SYNJ1: variants seen among roughly 807,000 people sequenced by gnomAD.
SYNJ1 encodes polyphosphatidylinositol phosphatase SYNJ1.
A neutral mutation model predicts 168.2 loss-of-function variants in SYNJ1; 78 were observed. The observed-to-expected ratio is 0.46, with a 90% CI of 0.39 to 0.56. SYNJ1 has a LOEUF of 0.56. Among genes scored for constraint, SYNJ1 ranks in the 20% least tolerant of loss-of-function variants. The pLI is 0.00. For synonymous variants in SYNJ1, 539 were observed against 548.6 expected, an observed-to-expected ratio of 0.98 and a Z score of 0.24; for missense variants, 1,303 against 1,597.6, an observed-to-expected ratio of 0.82 and a Z score of 3.14.
rs1379246366 is a variant in SYNJ1, at chr21:32,634,467, C to T, written c.*3+394G>A. On this transcript the variant is annotated intron_variant, in intron 32 of 32. Coordinates refer to ENST00000674351, the MANE Select transcript of SYNJ1 (RefSeq NM_203446.3). ...CTAAAACCATTTGAAAAAATATTTC[C>T]CCCAAATATTTTTTCCTAAAAAACA... 3.9e-5 allele frequency among the ~76,000 whole-genome samples: 6 copies of T among 152,068 alleles called. No homozygotes were observed. In the East Asian group the frequency reaches 1.2e-3, roughly 29 times the overall value.
At chr21:32,648,098 G>A (rs1269864478) in intron 23 of SYNJ1, among the ~76,000 whole-genome samples, 1 of 151,948 alleles carries the variant, frequency 6.6e-6, no homozygotes, top group African/African-American at 2.4e-5. Flanking sequence ...GGAACAAATG[G>A]GCCCCACCCA....
intron 18 of SYNJ1, among the ~76,000 whole-genome samples, chr21:32,662,508 CCA>C (rs1007447962): frequency 2.0e-5 from 3 of 152,062 alleles, no homozygotes; most frequent in African/African-American, 7.3e-5. Context: ...CCTCCCAGGT[CCA>C]CAGTTTTTGA....
chr21:32,650,352 G>C lies in SYNJ1; in HGVS notation c.2875-6C>G. 6.3e-7 allele frequency: 1 copy of C among 1,589,854 alleles called. No homozygotes were observed. Among genetic ancestry groups the C allele is most frequent in the Non-Finnish European group, 8.5e-7 (1 of 1,172,480 alleles). On this transcript the variant is annotated splice_polypyrimidine_tract_variant and splice_region_variant and intron_variant, in intron 22 of 32. Coordinates refer to ENST00000674351, the MANE Select transcript of SYNJ1 (RefSeq NM_203446.3). Reference sequence around the variant, plus strand: ...GTTATAGTCCGATTCAATAACTAGCGGAGTAAAAGAGATATAAAATAAAGA... The same window carrying C: ...GTTATAGTCCGATTCAATAACTAGCCGAGTAAAAGAGATATAAAATAAAGA...
intron 2 of SYNJ1, among the ~76,000 whole-genome samples, chr21:32,721,321 A>G (rs760050935): frequency 3.1e-4 from 47 of 152,260 alleles, no homozygotes; most frequent in Non-Finnish European, 6.2e-4. Flanking sequence ...ACTTTTTAGA[A>G]AGTGTTTTAA....
At chr21:32,699,463 G>A (rs531875194) in intron 4 of SYNJ1, among the ~76,000 whole-genome samples, 28 of 152,128 alleles carry the variant, frequency 1.8e-4, no homozygotes, top group Non-Finnish European at 3.4e-4. Flanking sequence ...CAGCTCTCAG[G>A]AATTCCCCTT....
intron 2 of SYNJ1, among the ~76,000 whole-genome samples, chr21:32,723,447 G>A (rs976302655): frequency 6.6e-5 from 10 of 152,190 alleles, no homozygotes; most frequent in Non-Finnish European, 1.0e-4. Context: ...GTCCTGCTAA[G>A]GTCACTTCCA....
intron 27 of SYNJ1, 131 bp from the exon 28 acceptor site, chr21:32,642,264 T>A: frequency 1.1e-6 from 1 of 944,218 alleles, no homozygotes; most frequent in Non-Finnish European, 1.7e-6. Context: ...AACAAAGCAC[T>A]TTGCTTTGTA....
chr21:32,685,243 T>C (rs566458028), intron 9 of SYNJ1, among the ~76,000 whole-genome samples: 11 of 150,856 alleles, frequency 7.3e-5, no homozygotes, highest in Non-Finnish European at 1.2e-4. Flanking sequence ...CTCACTAATG[T>C]AACCTCTCAT....
chr21:32,684,758 A>G (rs2041757921), intron 9 of SYNJ1, among the ~76,000 whole-genome samples: 1 of 152,228 alleles, frequency 6.6e-6, no homozygotes, highest in Admixed American at 6.5e-5. Flanking sequence ...ACAGTTTCAT[A>G]TATAACAGCA....
chr21:32,672,451 T>C (rs942694018), intron 14 of SYNJ1, among the ~76,000 whole-genome samples: 13 of 151,960 alleles, frequency 8.6e-5, no homozygotes, highest in African/African-American at 2.4e-4. Context: ...ACATTTCTCC[T>C]GCCTCAGCCT....
chr21:32,698,852 T>G (rs1243155380), intron 4 of SYNJ1, among the ~76,000 whole-genome samples: 1 of 152,220 alleles, frequency 6.6e-6, no homozygotes, highest in African/African-American at 2.4e-5. Flanking sequence ...TAAGGGAATG[T>G]TGGCTTAGAA....
Position 32,666,038 on chromosome 21 carries a change from A to C in SYNJ1, c.2050T>G (p.Cys684Gly), listed in dbSNP as rs751110096. Residue 684 changes from cysteine to glycine, a missense_variant, in exon 17 of 33, where the codon TGC (cysteine) becomes GGC (glycine). Transcript: ENST00000674351. ...GCAGCAAAGTGGCTACAGACGAAGC[A>C]AAGGCTGGTTGTATGGAAGAGCATT... ...IRMLFHTTSL[C>G]FVCSHFAAGQ... is the part of the protein sequence containing the mutation. 1.9e-6 allele frequency: 3 copies of C among 1,614,008 alleles called. No homozygotes were observed. The Admixed American group carries it at 5.0e-5, about 27-fold the overall frequency.
intron 23 of SYNJ1, among the ~76,000 whole-genome samples, chr21:32,646,854 G>A (rs1429275306): frequency 6.6e-6 from 1 of 152,154 alleles, no homozygotes; most frequent in Non-Finnish European, 1.5e-5. Context: ...GAGCTGGGGT[G>A]ACCCAATGGG....
chr21:32,706,715 A>AT (rs1484187590), intron 2 of SYNJ1, among the ~76,000 whole-genome samples: 4 of 151,920 alleles, frequency 2.6e-5, no homozygotes, highest in Non-Finnish European at 2.9e-5. Context: ...CTCCCTGTAC[A>AT]TTTTTTTAAT....
intron 6 of SYNJ1, among the ~76,000 whole-genome samples, chr21:32,691,414 C>A (rs923109782): frequency 2.0e-5 from 3 of 152,206 alleles, no homozygotes; most frequent in African/African-American, 7.2e-5. Context: ...TCCTGTACAA[C>A]CTGCAGAACC....
At chr21:32,637,653 C>T (rs1054930161) in intron 31 of SYNJ1, among the ~76,000 whole-genome samples, 2 of 152,056 alleles carry the variant, frequency 1.3e-5, no homozygotes, top group Admixed American at 6.5e-5. Context: ...TGACCTCAGG[C>T]GATCGACCCG....
intron 16 of SYNJ1, 69 bp from the exon 17 acceptor site, chr21:32,666,204 A>G: frequency 2.6e-6 from 4 of 1,511,894 alleles, no homozygotes; most frequent in Non-Finnish European, 3.6e-6. Flanking sequence ...GGAAATGAGG[A>G]ATATACATAA....
chr21:32,671,119 G>A (rs1343133970), intron 14 of SYNJ1, among the ~76,000 whole-genome samples: 2 of 151,840 alleles, frequency 1.3e-5, no homozygotes. Context: ...GACCAGCCTG[G>A]GCAACATAGT....
intron 31 of SYNJ1, among the ~76,000 whole-genome samples, chr21:32,637,175 G>A (rs1242478986): frequency 6.6e-6 from 1 of 151,934 alleles, no homozygotes; most frequent in Admixed American, 6.6e-5. Flanking sequence ...AGTAATTATG[G>A]CACGCAACTA....
Sources: allele counts gnomAD v4.1 joint callset (sites outside exome capture counted in the v4.1 genomes callset), GRCh38; gene constraint gnomAD v4.1.1; transcripts MANE v1.5; gene names NCBI Gene and HGNC (gene_info 2026-07-23, HGNC 2026-07-21).